Variants in CDH10 observed in about 807,000 individuals in gnomAD.
The protein encoded by CDH10 is cadherin 10, also known as cadherin-10.
CDH10 carries 30 observed loss-of-function variants against 73.1 expected under a neutral mutation model. The ratio of observed to expected loss-of-function variants is 0.41; its 90% CI spans 0.31 to 0.56. CDH10 has a LOEUF of 0.56. CDH10 is among the 20% of genes least tolerant of loss of function. The pLI is 0.27. For synonymous variants in CDH10, 345 were observed against 348.2 expected (o/e 0.99, Z 0.10); for missense variants, 815 against 973.7 (o/e 0.84, Z 2.17).
At chr5:24,501,666 A>G (rs574894417) in intron 8 of CDH10, among the ~76,000 whole-genome samples, 45 of 152,318 alleles carry the variant, frequency 3.0e-4, no homozygotes, top group Middle Eastern at 3.4e-3. Flanking sequence ...TAGAAATCAC[A>G]GACATTAGAA....
chr5:24,573,656 G>T (rs1362117194), intron 2 of CDH10, among the ~76,000 whole-genome samples: 1 of 146,904 alleles, frequency 6.8e-6, no homozygotes, highest in Admixed American at 6.8e-5. Context: ...AGCGGAGATC[G>T]CGCCACTGCA....
chr5:24,604,821 C>T (rs1032445599), intron 1 of CDH10, among the ~76,000 whole-genome samples: 1 of 144,366 alleles, frequency 6.9e-6, no homozygotes, highest in Admixed American at 7.0e-5. Flanking sequence ...TGCAGTGAGC[C>T]GAGGTCAAGC....
intron 5 of CDH10, among the ~76,000 whole-genome samples, chr5:24,519,148 C>A (rs1329859324): frequency 6.6e-6 from 1 of 151,994 alleles, no homozygotes; most frequent in Non-Finnish European, 1.5e-5. Context: ...GCCTCAGCCT[C>A]CCAAAATGCC....
At chr5:24,549,683 C>T (rs1744475778) in intron 2 of CDH10, among the ~76,000 whole-genome samples, 1 of 151,682 alleles carries the variant, frequency 6.6e-6, no homozygotes, top group African/African-American at 2.4e-5. Flanking sequence ...TCCCGAGTAG[C>T]TGGGATTATA....
chr5:24,629,034 T>C (rs1324079442), intron 1 of CDH10, among the ~76,000 whole-genome samples: 2 of 152,248 alleles, frequency 1.3e-5, no homozygotes, highest in Admixed American at 1.3e-4. Context: ...TGTCTCTTAG[T>C]TTTTCTACTA....
intron 2 of CDH10, among the ~76,000 whole-genome samples, chr5:24,576,232 A>T (rs1263940141): frequency 6.6e-6 from 1 of 152,168 alleles, no homozygotes; most frequent in African/African-American, 2.4e-5. Flanking sequence ...GACAATAGCA[A>T]TTAAGGTGAG....
chr5:24,589,860 G>A (rs1746141312), intron 2 of CDH10, among the ~76,000 whole-genome samples: 1 of 151,894 alleles, frequency 6.6e-6, no homozygotes, highest in African/African-American at 2.4e-5. Context: ...ATTTAAATTT[G>A]GAAATTTTAA....
intron 5 of CDH10, among the ~76,000 whole-genome samples, chr5:24,522,233 A>T (rs1743361234): frequency 6.6e-6 from 1 of 152,182 alleles, no homozygotes; most frequent in Non-Finnish European, 1.5e-5. Flanking sequence ...CTGACATTTC[A>T]ACAGCAACTC....
intron 1 of CDH10, among the ~76,000 whole-genome samples, chr5:24,602,677 G>A (rs562291153): frequency 1.4e-4 from 21 of 152,264 alleles, no homozygotes; most frequent in African/African-American, 4.3e-4. Context: ...AATGGACTGA[G>A]TTAATCAAAG....
At chr5:24,511,219 G>A in intron 6 of CDH10, 108 bp downstream of exon 6, 1 of 736,642 alleles carries the variant, frequency 1.4e-6, no homozygotes, top group Non-Finnish European at 2.3e-6. Flanking sequence ...TTACATTGCT[G>A]GAAAATTAGA....
intron 1 of CDH10, among the ~76,000 whole-genome samples, chr5:24,620,052 A>G (rs145687796): frequency 6.6e-6 from 1 of 152,340 alleles, no homozygotes; most frequent in African/African-American, 2.4e-5. Flanking sequence ...AAAATAAATG[A>G]TATATATTTA....
intron 1 of CDH10, among the ~76,000 whole-genome samples, chr5:24,596,090 A>T (rs1390457298): frequency 6.6e-6 from 1 of 152,010 alleles, no homozygotes; most frequent in Non-Finnish European, 1.5e-5. Flanking sequence ...TTGAACAATG[A>T]CACGGTTAAA....
chr5:24,597,812 T>C (rs1367428551), intron 1 of CDH10, among the ~76,000 whole-genome samples: 1 of 151,968 alleles, frequency 6.6e-6, no homozygotes, highest in Non-Finnish European at 1.5e-5. Context: ...ACATCTCAAT[T>C]ACTAATTAAG....
chr5:24,566,458 C>T (rs1745169098), intron 2 of CDH10, among the ~76,000 whole-genome samples: 1 of 152,090 alleles, frequency 6.6e-6, no homozygotes, highest in African/African-American at 2.4e-5. Flanking sequence ...TGGTGCCTTA[C>T]TTTTGAAGCT....
At chr5:24,498,302 C>T (rs1742365011) in intron 9 of CDH10, 96 bp downstream of exon 9, 1 of 717,976 alleles carries the variant, frequency 1.4e-6, no homozygotes, top group South Asian at 2.0e-5. Context: ...ATGAGTATTT[C>T]CATCTCTGTG....
At chr5:24,583,239 A>C (rs539134680) in intron 2 of CDH10, among the ~76,000 whole-genome samples, 2 of 150,082 alleles carry the variant, frequency 1.3e-5, no homozygotes, top group Non-Finnish European at 3.0e-5. Flanking sequence ...TTAACATCTC[A>C]CATCTCATAA....
intron 2 of CDH10, among the ~76,000 whole-genome samples, chr5:24,558,194 T>C (rs1197296005): frequency 1.7e-5 from 1 of 60,240 alleles, no homozygotes; most frequent in Admixed American, 1.5e-4. Context: ...TTGAGAATTA[T>C]TTGTGTTTGG....
chr5:24,604,954 T>A (rs189373404), intron 1 of CDH10, among the ~76,000 whole-genome samples: 2 of 151,740 alleles, frequency 1.3e-5, no homozygotes, highest in Admixed American at 1.3e-4. Context: ...ATTGAAAATG[T>A]GTCTCTGATA....
At chr5:24,565,810 G>A (rs1745146782) in intron 2 of CDH10, among the ~76,000 whole-genome samples, 1 of 151,832 alleles carries the variant, frequency 6.6e-6, no homozygotes, top group Admixed American at 6.6e-5. Flanking sequence ...AAAGGACATG[G>A]GAGGACATAG....
Sources: gnomAD v4.1 joint callset for allele counts (sites outside exome capture counted in the v4.1 genomes callset) on GRCh38, gnomAD v4.1.1 for gene constraint, MANE v1.5 for transcripts, NCBI Gene and HGNC (gene_info 2026-07-23, HGNC 2026-07-21) for gene names.